Variants in EEFSEC observed in about 807,000 individuals in gnomAD.
The protein encoded by EEFSEC is eukaryotic elongation factor, selenocysteine-tRNA specific, also known as selenocysteine-specific elongation factor.
Under a neutral mutation model 42.1 loss-of-function variants are expected in EEFSEC, and 43 were observed. The observed-to-expected ratio is 1.02, with a 90% CI of 0.80 to 1.32. The LOEUF (loss-of-function observed/expected upper bound fraction) is 1.32. Ranked by LOEUF, EEFSEC falls within the 40% of genes most tolerant of loss-of-function variation. The pLI is 0.00. For missense variants in EEFSEC, 745 were observed against 803.6 expected, an observed-to-expected ratio of 0.93 and a Z score of 0.88; for synonymous variants, 354 against 339.1, an observed-to-expected ratio of 1.04 and a Z score of -0.48.
At position 128,246,942 on chromosome 3, in the gene EEFSEC, G is replaced by T; in HGVS notation, c.423G>T (p.Leu141=). 3.1e-6 allele frequency: 5 copies of T among 1,614,204 alleles called. No individual in the cohort carries two copies. In the South Asian group the frequency reaches 4.4e-5, roughly 14 times the overall value. ...TCGGCCAGATTGCCTGCCAGAAGCT[G>T]GTCGTGGTGCTGAACAAAATAGACC... ...LVIGQIACQK[L]VVVLNKIDLL... The change falls in exon 2 of 7, where the codon CTG becomes CTT. Residue 141 remains leucine, a synonymous_variant. Coordinates refer to ENST00000254730, the MANE Select transcript of EEFSEC (RefSeq NM_021937.5).
intron 1 of EEFSEC, among the ~76,000 whole-genome samples, chr3:128,215,247 G>T (rs1178833153): frequency 6.6e-6 from 1 of 152,146 alleles, no homozygotes; most frequent in African/African-American, 2.4e-5. Context: ...AGCTCCTTTT[G>T]TGTCTCTCTG....
rs570220656 is a variant in EEFSEC at position 128,396,888 on chromosome 3, G to A, written c.1601-11181G>A. On this transcript the variant is annotated intron_variant, in intron 6 of 6. Coordinates refer to ENST00000254730, the MANE Select transcript of EEFSEC (RefSeq NM_021937.5). ...GCCCATTTTTGGGCATTTTGGGCCA[G>A]ACCTCCCTTACACAAGATGGTCTTT... Among the ~76,000 whole-genome samples, 22 of 152,324 alleles carry A rather than the reference G, an allele frequency of 1.4e-4. No individual in the cohort carries two copies. The East Asian group carries it at 4.2e-3, about 29-fold the overall frequency.
intron 4 of EEFSEC, among the ~76,000 whole-genome samples, chr3:128,286,261 C>T (rs941039050): frequency 1.3e-5 from 2 of 152,244 alleles, no homozygotes; most frequent in Non-Finnish European, 2.9e-5. Flanking sequence ...GGCACACATA[C>T]TGGTCATCTA....
intron 5 of EEFSEC, among the ~76,000 whole-genome samples, chr3:128,356,709 A>G (rs1576667160): frequency 6.6e-6 from 1 of 152,326 alleles, no homozygotes; most frequent in East Asian, 1.9e-4. Context: ...TCCTGGAGGC[A>G]TCAGTTTCTC....
chr3:128,342,046 G>A (rs2067261747), intron 5 of EEFSEC, among the ~76,000 whole-genome samples, 157 bp downstream of exon 5: 2 of 152,270 alleles, frequency 1.3e-5, no homozygotes, highest in South Asian at 4.1e-4. Flanking sequence ...TGCCCAGAAT[G>A]GTCAGGTGGC....
At chr3:128,294,042 T>C (rs777624274) in intron 4 of EEFSEC, among the ~76,000 whole-genome samples, 11 of 152,226 alleles carry the variant, frequency 7.2e-5, no homozygotes, top group Non-Finnish European at 1.5e-4. Context: ...GTCTGCTCCC[T>C]ACCTTCTGCT....
intron 5 of EEFSEC, among the ~76,000 whole-genome samples, chr3:128,351,763 C>T (rs2067388301): frequency 6.6e-6 from 1 of 152,212 alleles, no homozygotes; most frequent in South Asian, 2.1e-4. Context: ...TAAGCAAGCG[C>T]CTGGACTTCC....
chr3:128,167,697 C>T (rs994262106), intron 1 of EEFSEC, among the ~76,000 whole-genome samples: 1 of 152,262 alleles, frequency 6.6e-6, no homozygotes, highest in African/African-American at 2.4e-5. Flanking sequence ...GAGGGCCCAG[C>T]GGCCCTGTTG....
intron 1 of EEFSEC, among the ~76,000 whole-genome samples, chr3:128,223,563 A>G (rs2065880789): frequency 6.6e-6 from 1 of 152,248 alleles, no homozygotes; most frequent in Non-Finnish European, 1.5e-5. Context: ...AACTTGTGAT[A>G]CATATTTCCA....
chr3:128,388,496 G>A (rs895500203), intron 6 of EEFSEC, among the ~76,000 whole-genome samples: 1 of 152,250 alleles, frequency 6.6e-6, no homozygotes, highest in Non-Finnish European at 1.5e-5. Context: ...TTTAGGTGGG[G>A]TCTGAGCCCC....
intron 1 of EEFSEC, among the ~76,000 whole-genome samples, chr3:128,228,682 T>C (rs1393956973): frequency 6.6e-6 from 1 of 152,040 alleles, no homozygotes; most frequent in Non-Finnish European, 1.5e-5. Context: ...GAGTGGGGTC[T>C]GATCCTGTCC....
At chr3:128,348,484 C>G (rs190740816) in intron 5 of EEFSEC, among the ~76,000 whole-genome samples, 144 of 152,244 alleles carry the variant, frequency 9.5e-4, no homozygotes, top group African/African-American at 3.2e-3. Context: ...CTTTAACAGT[C>G]CTCTATTACA....
At chr3:128,211,412 C>T (rs2065754981) in intron 1 of EEFSEC, among the ~76,000 whole-genome samples, 1 of 152,038 alleles carries the variant, frequency 6.6e-6, no homozygotes, top group South Asian at 2.1e-4. Flanking sequence ...AGCCACACCA[C>T]CAAGCTCTAG....
intron 2 of EEFSEC, among the ~76,000 whole-genome samples, chr3:128,260,525 A>G (rs117056782): frequency 6.6e-6 from 1 of 152,340 alleles, no homozygotes; most frequent in East Asian, 1.9e-4. Flanking sequence ...GCAAGCTCCA[A>G]GGCAGGTCAA....
intron 1 of EEFSEC, among the ~76,000 whole-genome samples, chr3:128,163,156 T>G (rs2065207966): frequency 6.6e-6 from 1 of 152,132 alleles, no homozygotes. Flanking sequence ...AAGGCTTTGA[T>G]GTGCGGAAAA....
chr3:128,418,104 G>A, the EEFSEC span, among the ~76,000 whole-genome samples: 27 of 152,000 alleles, frequency 1.8e-4, no homozygotes, highest in South Asian at 1.9e-3. Context: ...AACCCACCAC[G>A]TGCCCACCAC....
chr3:128,382,352 C>T (rs534049636), intron 6 of EEFSEC, among the ~76,000 whole-genome samples: 13 of 152,234 alleles, frequency 8.5e-5, no homozygotes, highest in Non-Finnish European at 1.6e-4. Context: ...CCTATGCCCT[C>T]GTCTCAGAGC....
chr3:128,419,280 A>G, the EEFSEC span, among the ~76,000 whole-genome samples: 1 of 152,262 alleles, frequency 6.6e-6, no homozygotes, highest in Non-Finnish European at 1.5e-5. Context: ...AATGTTCATC[A>G]GTAGTGGTGT....
rs558900460 is a variant in EEFSEC, at chr3:128,202,020, T to C, written c.317-44816T>C. 2.3e-3 allele frequency among the ~76,000 whole-genome samples: 345 copies of C among 152,334 alleles called. 4 individuals carry two copies. Among genetic ancestry groups the C allele is most frequent in the South Asian group, 9.7e-3 (47 of 4,828 alleles). On this transcript the variant is annotated intron_variant, in intron 1 of 6. Transcript: ENST00000254730. ...ATAACCATTTAAGTGTAGGTCTATT[T>C]CTGGACTCTATTGTACTTTGATTTG...
Sources: allele counts gnomAD v4.1 joint callset (sites outside exome capture counted in the v4.1 genomes callset), GRCh38; gene constraint gnomAD v4.1.1; transcripts MANE v1.5; gene names NCBI Gene and HGNC (gene_info 2026-07-23, HGNC 2026-07-21).